Variants in CHRM3 observed in about 807,000 individuals in gnomAD.
The protein encoded by CHRM3 is cholinergic receptor muscarinic 3, also known as muscarinic acetylcholine receptor M3.
CHRM3 carries 11 observed loss-of-function variants against 41.8 expected under a neutral mutation model. That is an observed-to-expected ratio of 0.26 (90% CI 0.17 to 0.44). The LOEUF (loss-of-function observed/expected upper bound fraction) is 0.44. CHRM3 is among the 20% of genes least tolerant of loss of function. The probability of loss-of-function intolerance (pLI) is 1.00; values close to 1 mark genes in which losing one functional copy is unlikely to be tolerated. For missense variants in CHRM3, 571 were observed against 745.4 expected, an observed-to-expected ratio of 0.77 and a Z score of 2.72; for synonymous variants, 297 against 301.4, an observed-to-expected ratio of 0.99 and a Z score of 0.15.
chr1:239,466,018 G>A (rs928260844), intron 1 of CHRM3, among the ~76,000 whole-genome samples: 1 of 152,066 alleles, frequency 6.6e-6, no homozygotes, highest in Non-Finnish European at 1.5e-5. Context: ...TCCTGAGACA[G>A]AGTCTCTCTT....
At chr1:239,397,154 C>T (rs1418022103) in intron 1 of CHRM3, among the ~76,000 whole-genome samples, 1 of 152,090 alleles carries the variant, frequency 6.6e-6, no homozygotes, top group Non-Finnish European at 1.5e-5. Context: ...AAGTAGTAAT[C>T]ATTTATCTTT....
intron 4 of CHRM3, among the ~76,000 whole-genome samples, chr1:239,677,804 C>G (rs909044536): frequency 6.6e-6 from 1 of 152,144 alleles, no homozygotes; most frequent in Non-Finnish European, 1.5e-5. Context: ...TTATATCAAC[C>G]TAATAATATA....
intron 1 of CHRM3, among the ~76,000 whole-genome samples, chr1:239,393,790 C>T (rs1401990337): frequency 6.6e-6 from 1 of 152,126 alleles, no homozygotes; most frequent in Non-Finnish European, 1.5e-5. Context: ...AAATTTGATG[C>T]TCAAGGATAA....
intron 3 of CHRM3, among the ~76,000 whole-genome samples, chr1:239,585,240 C>T (rs577513345): frequency 1.3e-5 from 2 of 152,118 alleles, no homozygotes; most frequent in East Asian, 1.9e-4. Flanking sequence ...GGTTGTCCTT[C>T]CTTTCTCTTG....
At chr1:239,616,407 C>G (rs1667639072) in intron 3 of CHRM3, among the ~76,000 whole-genome samples, 1 of 152,130 alleles carries the variant, frequency 6.6e-6, no homozygotes, top group Non-Finnish European at 1.5e-5. Flanking sequence ...TTCAGGCACC[C>G]CTTCCTCGGT....
chr1:239,575,441 C>A (rs997451894), intron 3 of CHRM3, among the ~76,000 whole-genome samples: 13 of 152,152 alleles, frequency 8.5e-5, no homozygotes, highest in South Asian at 2.1e-4. Flanking sequence ...AATTCATATT[C>A]TTTTATTGTT....
intron 3 of CHRM3, among the ~76,000 whole-genome samples, chr1:239,589,765 CT>C (rs1663899782): frequency 3.4e-5 from 5 of 149,138 alleles, no homozygotes; most frequent in Non-Finnish European, 7.4e-5. Context: ...AAAAAGATGT[CT>C]ACACAGGTAG....
intron 1 of CHRM3, among the ~76,000 whole-genome samples, chr1:239,481,251 T>C (rs193166342): frequency 1.3e-5 from 2 of 151,632 alleles, no homozygotes; most frequent in South Asian, 2.1e-4. Context: ...TAAACAGATA[T>C]ACACACATAA....
At chr1:239,636,380 A>G (rs1670471999) in intron 4 of CHRM3, among the ~76,000 whole-genome samples, 1 of 152,206 alleles carries the variant, frequency 6.6e-6, no homozygotes, top group Non-Finnish European at 1.5e-5. Flanking sequence ...TTCCCTTAGC[A>G]CATTTCAGAG....
intron 2 of CHRM3, among the ~76,000 whole-genome samples, chr1:239,530,709 G>A (rs927677654): frequency 6.6e-6 from 1 of 152,122 alleles, no homozygotes; most frequent in Non-Finnish European, 1.5e-5. Context: ...TGAAAACTTA[G>A]AGAGGAGCAC....
intron 6 of CHRM3, among the ~76,000 whole-genome samples, chr1:239,835,532 T>G (rs1290699417): frequency 6.6e-6 from 1 of 152,232 alleles, no homozygotes; most frequent in Non-Finnish European, 1.5e-5. Flanking sequence ...TTCTTCTATG[T>G]GCAAAGACAC....
intron 6 of CHRM3, among the ~76,000 whole-genome samples, chr1:239,827,795 C>T (rs1672572997): frequency 6.6e-6 from 1 of 152,150 alleles, no homozygotes; most frequent in Non-Finnish European, 1.5e-5. Context: ...AACAATAAAA[C>T]CTTCCCTGCT....
At chr1:239,475,947 G>A (rs959131411) in intron 1 of CHRM3, among the ~76,000 whole-genome samples, 1 of 151,922 alleles carries the variant, frequency 6.6e-6, no homozygotes, top group African/African-American at 2.4e-5. Context: ...TCATTCATTT[G>A]GTCTCCCCCA....
At chr1:239,902,880 C>T (rs911388515) in intron 6 of CHRM3, among the ~76,000 whole-genome samples, 17 of 152,110 alleles carry the variant, frequency 1.1e-4, no homozygotes, top group Non-Finnish European at 2.1e-4. Context: ...AATTTTTGCT[C>T]ATCTCATACT....
At chr1:239,432,472 T>C (rs1278745540) in intron 1 of CHRM3, among the ~76,000 whole-genome samples, 4 of 152,344 alleles carry the variant, frequency 2.6e-5, no homozygotes, top group Non-Finnish European at 5.9e-5. Context: ...TGTGCTTTGC[T>C]GTTACGTGAA....
At chr1:239,783,167 G>T (rs961527463) in intron 5 of CHRM3, among the ~76,000 whole-genome samples, 77 of 151,368 alleles carry the variant, frequency 5.1e-4, no homozygotes, top group African/African-American at 1.6e-3. Context: ...CTGTCTGCTG[G>T]GTCTATTTCT....
rs139649214 is a variant in CHRM3 at position 239,631,160 on chromosome 1, A to G, written c.-312-1064A>G. On this transcript the variant is annotated intron_variant, in intron 3 of 6. Transcript: ENST00000676153. Reference sequence around the variant, plus strand: ...TACTCTTGTCCCCCATATCCTTTGCATATTAATACTTTTAAAAGATATATA... The same window carrying G: ...TACTCTTGTCCCCCATATCCTTTGCGTATTAATACTTTTAAAAGATATATA... Among the ~76,000 whole-genome samples the G allele has an allele frequency of 4.6e-5, 7 of 152,342 alleles. No individual in the cohort carries two copies. In the East Asian group the frequency reaches 1.3e-3, roughly 29 times the overall value.
intron 1 of CHRM3, among the ~76,000 whole-genome samples, chr1:239,468,308 A>G (rs1665878603): frequency 6.6e-6 from 1 of 152,218 alleles, no homozygotes; most frequent in African/African-American, 2.4e-5. Context: ...CTGACTTTTG[A>G]AAAAATAAAG....
intron 1 of CHRM3, among the ~76,000 whole-genome samples, chr1:239,484,214 T>G (rs1667045113): frequency 6.6e-6 from 1 of 152,092 alleles, no homozygotes; most frequent in Non-Finnish European, 1.5e-5. Context: ...CAGCTTCTGG[T>G]GAGGGCCTGA....
Sources: allele counts gnomAD v4.1 joint callset (sites outside exome capture counted in the v4.1 genomes callset), GRCh38; gene constraint gnomAD v4.1.1; transcripts MANE v1.5; gene names NCBI Gene and HGNC (gene_info 2026-07-23, HGNC 2026-07-21).